Variants in EIF4ENIF1 observed in about 807,000 individuals in gnomAD.
EIF4ENIF1 encodes eukaryotic translation initiation factor 4E transporter.
In EIF4ENIF1, 23 loss-of-function variants were observed where a neutral mutation model predicts 110.5. The ratio of observed to expected loss-of-function variants is 0.21; its 90% CI spans 0.15 to 0.29. The LOEUF (loss-of-function observed/expected upper bound fraction) is 0.29, where lower values mean the gene tolerates loss of function less well. Ranked by LOEUF, EIF4ENIF1 falls within the 10% of genes least tolerant of loss-of-function variation. The pLI, the probability that EIF4ENIF1 is intolerant of heterozygous loss-of-function variation, is 1.00. For missense variants in EIF4ENIF1, 1,031 were observed against 1,221.1 expected, an observed-to-expected ratio of 0.84 and a Z score of 2.32; for synonymous variants, 440 against 437.0, an observed-to-expected ratio of 1.01 and a Z score of -0.09.
intron 14 of EIF4ENIF1, among the ~76,000 whole-genome samples, chr22:31,445,111 AG>A (rs1241252979): frequency 6.6e-6 from 1 of 152,212 alleles, no homozygotes; most frequent in Non-Finnish European, 1.5e-5. Flanking sequence ...GAATAGGTAC[AG>A]GAACTTGGGA....
chr22:31,454,495 C>T, intron 9 of EIF4ENIF1, 119 bp from the exon 10 acceptor site: 1 of 826,760 alleles, frequency 1.2e-6, no homozygotes, highest in Non-Finnish European at 1.9e-6. Flanking sequence ...ATGAGACTGT[C>T]AGAAAAGACT....
At chr22:31,477,522 C>T (rs551136928) in intron 2 of EIF4ENIF1, among the ~76,000 whole-genome samples, 22 of 152,234 alleles carry the variant, frequency 1.4e-4, no homozygotes, top group African/African-American at 5.3e-4. Context: ...TAACAAAATT[C>T]TCATTTTCAC....
intron 2 of EIF4ENIF1, among the ~76,000 whole-genome samples, chr22:31,474,768 G>C (rs867578268): frequency 3.1e-4 from 47 of 151,830 alleles, no homozygotes; most frequent in African/African-American, 1.0e-3. Context: ...GCCTCCTTTT[G>C]GTATACTTTG....
At chr22:31,449,614 G>C in intron 11 of EIF4ENIF1, 83 bp from the exon 12 acceptor site, 1 of 1,269,018 alleles carries the variant, frequency 7.9e-7, no homozygotes, top group Non-Finnish European at 1.1e-6. Flanking sequence ...ACTTTTGAGA[G>C]CCACAAGATG....
intron 4 of EIF4ENIF1, chr22:31,464,284 C>T (rs765739648): frequency 1.1e-5 from 3 of 266,328 alleles, no homozygotes; most frequent in Non-Finnish European, 2.1e-5. Context: ...TAATAAACTA[C>T]AGCAGGCGTA....
downstream of EIF4ENIF1, among the ~76,000 whole-genome samples, chr22:31,438,858 G>A (rs1349656353): frequency 6.6e-6 from 1 of 152,050 alleles, no homozygotes; most frequent in Non-Finnish European, 1.5e-5. Flanking sequence ...GAGTAGCTGG[G>A]ACTACAAGTG....
intron 2 of EIF4ENIF1, among the ~76,000 whole-genome samples, chr22:31,472,464 T>C (rs1371223936): frequency 3.3e-5 from 5 of 152,162 alleles, no homozygotes; most frequent in African/African-American, 1.2e-4. Context: ...AGACGGGGTT[T>C]TGCCATGTTG....
Position 31,439,780 on chromosome 22 carries a change from G to C in EIF4ENIF1, c.*100C>G. The stretch of plus-strand genomic sequence containing the variant: ...GTTCCACCAAACAGCTTCACACAGA[G>C]TGCTCCAAAGTAAAAGCCCATAAAC... On this transcript the variant is annotated 3_prime_UTR_variant, in exon 19 of 19. Transcript: ENST00000330125. The C allele has an allele frequency of 6.6e-7, 1 of 1,508,616 alleles. No individual in the cohort carries two copies. Among genetic ancestry groups the C allele is most frequent in the East Asian group, 2.3e-5 (1 of 43,882 alleles). The allele number at this position is 1,508,616 out of a possible 1,614,324, so 93.5% of individuals were successfully genotyped here.
At chr22:31,490,125 G>A (rs1453233790), upstream of EIF4ENIF1, among the ~76,000 whole-genome samples, 2 of 152,214 alleles carry the variant, frequency 1.3e-5, no homozygotes, top group African/African-American at 4.8e-5. Flanking sequence ...AGAGGCCACC[G>A]CCGCCGCGTT....
Position 31,454,306 on chromosome 22 carries a change from T to C in EIF4ENIF1, c.1350A>G (p.Gln450=). The C allele has an allele frequency of 6.2e-7, 1 of 1,614,176 alleles. No homozygotes were observed. The highest frequency in any genetic ancestry group is 8.5e-7 in the Non-Finnish European group (1 of 1,180,038). ...AGLKGLKVDQ[Q]VKNSTPFMAE... ...CCATGAAGGGAGTTGAATTCTTCAC[T>C]TGCTGGTCAACCTTCAAGCCCTTCA... is the stretch of plus-strand genomic sequence containing the variant. The change falls in exon 10 of 19, where the codon CAA becomes CAG. Residue 450 remains glutamine (Q), a synonymous_variant. Transcript: ENST00000330125.
At position 31,448,360 on chromosome 22, in the gene EIF4ENIF1, G is replaced by A. The variant is rs1290082135; in HGVS notation, c.1769-128C>T. On this transcript the variant is annotated intron_variant, in intron 12 of 18. Coordinates refer to ENST00000330125, the MANE Select transcript of EIF4ENIF1 (RefSeq NM_019843.4). ...AAAGCACTGATTTATTGGGCTGACA[G>A]ATGTCCCTCTCCCTCTGTGCCCCAA... The A allele has an allele frequency of 4.4e-6, 4 of 915,774 alleles. No individual in the cohort carries two copies. In the East Asian group the frequency reaches 9.9e-5, roughly 23 times the overall value. 56.7% of individuals were successfully genotyped at this position (915,774 alleles called of 1,614,324 possible).
chr22:31,451,474 C>T (rs1457830533), intron 10 of EIF4ENIF1, among the ~76,000 whole-genome samples: 2 of 151,530 alleles, frequency 1.3e-5, no homozygotes, highest in African/African-American at 4.8e-5. Context: ...CGGGGTTTCA[C>T]CATGTTGGCC....
At chr22:31,472,005 A>C in intron 2 of EIF4ENIF1, 88 bp from the exon 3 acceptor site, 2 of 1,012,882 alleles carry the variant, frequency 2.0e-6, no homozygotes, top group Non-Finnish European at 2.9e-6. Context: ...CTAAGTGTCC[A>C]TCTTAAACAC....
chr22:31,491,334 C>CTAAAGCTGTGGGA (rs1287054564), upstream of EIF4ENIF1, among the ~76,000 whole-genome samples: 1 of 152,092 alleles, frequency 6.6e-6, no homozygotes, highest in East Asian at 1.9e-4. Context: ...CAAATTCTTC[C>CTAAAGCTGTGGGA]TAAAGCTGTG....
intron 16 of EIF4ENIF1, among the ~76,000 whole-genome samples, chr22:31,442,612 T>C (rs558160171): frequency 6.6e-6 from 1 of 152,370 alleles, no homozygotes; most frequent in South Asian, 2.1e-4. Flanking sequence ...CTCCACAGGC[T>C]GGACATAATC....
chr22:31,439,897 A>G lies in EIF4ENIF1; in HGVS notation c.2941T>C (p.Leu981=), dbSNP rs775504430. The G allele has an allele frequency of 1.4e-5, 22 of 1,613,654 alleles. No homozygotes were observed. The highest frequency in any genetic ancestry group is 1.3e-4 in the East Asian group (6 of 44,864). Residue 981 remains leucine, a synonymous_variant, in exon 19 of 19, where the codon TTG becomes CTG. Coordinates refer to ENST00000330125, the MANE Select transcript of EIF4ENIF1 (RefSeq NM_019843.4). ...MPAKVISVDE[L]EYRQ is the part of the protein sequence containing the mutation. ...TGCCCTGCTCACTGTCGGTATTCCA[A>G]TTCATCTACACTGATAACTTTGGCG...
intron 15 of EIF4ENIF1, 178 bp downstream of exon 15, chr22:31,444,428 T>A: frequency 3.2e-6 from 2 of 617,074 alleles, no homozygotes; most frequent in Non-Finnish European, 5.8e-6. Flanking sequence ...ATTAAAATCC[T>A]AAGACTTAGA....
intron 2 of EIF4ENIF1, among the ~76,000 whole-genome samples, chr22:31,479,176 G>A (rs1480051015): frequency 6.7e-6 from 1 of 150,302 alleles, no homozygotes; most frequent in Non-Finnish European, 1.5e-5. Context: ...AAGCAATTCT[G>A]CTGCCTCAGC....
At chr22:31,467,145 AT>A (rs1375369919) in intron 4 of EIF4ENIF1, among the ~76,000 whole-genome samples, 2 of 152,172 alleles carry the variant, frequency 1.3e-5, no homozygotes, top group Admixed American at 1.3e-4. Flanking sequence ...CTACTGTTGG[AT>A]ATTTAGGTTC....
Sources: gnomAD v4.1 joint callset for allele counts (sites outside exome capture counted in the v4.1 genomes callset) on GRCh38, gnomAD v4.1.1 for gene constraint, MANE v1.5 for transcripts, NCBI Gene and HGNC (gene_info 2026-07-23, HGNC 2026-07-21) for gene names.